The following MYO1E variants were observed in gnomAD, a reference collection of about 807,000 sequenced individuals.
MYO1E encodes myosin IE, also known as unconventional myosin-Ie.
A neutral mutation model predicts 151.1 loss-of-function variants in MYO1E; 68 were observed. The ratio of observed to expected loss-of-function variants is 0.45; its 90% CI spans 0.37 to 0.55. The LOEUF is 0.55. MYO1E is among the 20% of genes least tolerant of loss of function. The pLI, the probability that MYO1E is intolerant of heterozygous loss-of-function variation, is 0.00. For synonymous variants in MYO1E, 601 were observed against 501.7 expected, an observed-to-expected ratio of 1.20 and a Z score of -2.64; for missense variants, 1,363 against 1,389.3, an observed-to-expected ratio of 0.98 and a Z score of 0.30.
At chr15:59,228,068 C>T (rs752587474) in intron 6 of MYO1E, among the ~76,000 whole-genome samples, 3 of 152,126 alleles carry the variant, frequency 2.0e-5, no homozygotes, top group Admixed American at 6.6e-5. Flanking sequence ...TAGCTACTGA[C>T]GGGCCTAGGG....
intron 1 of MYO1E, among the ~76,000 whole-genome samples, chr15:59,359,055 A>G (rs1211067986): frequency 6.6e-6 from 1 of 152,082 alleles, no homozygotes; most frequent in Non-Finnish European, 1.5e-5. Flanking sequence ...GACACAAACA[A>G]TTTCATAGAC....
At chr15:59,294,659 G>T (rs1333756656) in intron 1 of MYO1E, among the ~76,000 whole-genome samples, 3 of 152,186 alleles carry the variant, frequency 2.0e-5, no homozygotes, top group Non-Finnish European at 4.4e-5. Flanking sequence ...GCCCCCACAG[G>T]ACGGGGGTTT....
intron 1 of MYO1E, among the ~76,000 whole-genome samples, chr15:59,318,709 T>C (rs2080605280): frequency 6.6e-6 from 1 of 152,174 alleles, no homozygotes; most frequent in Non-Finnish European, 1.5e-5. Flanking sequence ...ATTGAGTACT[T>C]ACTGTTTGCC....
chr15:59,305,384 G>A (rs2080508900), intron 1 of MYO1E, among the ~76,000 whole-genome samples: 1 of 151,952 alleles, frequency 6.6e-6, no homozygotes, highest in Non-Finnish European at 1.5e-5. Context: ...TAGTAGAGAT[G>A]GAGTTTTGCC....
intron 19 of MYO1E, among the ~76,000 whole-genome samples, chr15:59,175,699 G>T (rs2079620714): frequency 6.6e-6 from 1 of 152,142 alleles, no homozygotes; most frequent in Non-Finnish European, 1.5e-5. Context: ...CTTGTGTATT[G>T]GGTTTCTGAG....
At chr15:59,344,675 C>T (rs1333262597) in intron 1 of MYO1E, among the ~76,000 whole-genome samples, 2 of 152,206 alleles carry the variant, frequency 1.3e-5, no homozygotes, top group Non-Finnish European at 2.9e-5. Context: ...CTACTGAGTA[C>T]TTTATTCTAC....
intron 14 of MYO1E, chr15:59,207,858 C>T (rs1452186462): frequency 5.0e-6 from 8 of 1,613,928 alleles, no homozygotes; most frequent in East Asian, 2.2e-5. Flanking sequence ...TATCTGTGGC[C>T]GATTTAACAG....
chr15:59,137,278 A>T lies in MYO1E; in HGVS notation c.*102T>A. The T allele has an allele frequency of 9.3e-7, 1 of 1,070,460 alleles. No homozygotes were observed. The allele number at this position is 1,070,460 out of a possible 1,614,324, so 66.3% of individuals were successfully genotyped here. On this transcript the variant is annotated 3_prime_UTR_variant, in exon 28 of 28. Transcript: ENST00000288235. ...ACCAGAATAGCTCCAGGCCTTGGAG[A>T]AGCAATTGCTCATTGTGGATTGTAA...
At chr15:59,340,227 T>C (rs574834615) in intron 1 of MYO1E, among the ~76,000 whole-genome samples, 1 of 152,220 alleles carries the variant, frequency 6.6e-6, no homozygotes, top group South Asian at 2.1e-4. Flanking sequence ...TGAGGATCGC[T>C]TGAACCCAGG....
intron 1 of MYO1E, among the ~76,000 whole-genome samples, chr15:59,354,569 C>T (rs1005332520): frequency 3.9e-5 from 6 of 152,106 alleles, no homozygotes; most frequent in African/African-American, 1.4e-4. Context: ...GCCAGGTGGG[C>T]ACCTGGCATG....
At chr15:59,166,642 A>G (rs1223909759) in intron 22 of MYO1E, among the ~76,000 whole-genome samples, 1 of 151,962 alleles carries the variant, frequency 6.6e-6, no homozygotes, top group Admixed American at 6.6e-5. Flanking sequence ...ATTATGAAAT[A>G]TATGCTGCTT....
chr15:59,371,590 C>T (rs1287920003), intron 1 of MYO1E, among the ~76,000 whole-genome samples: 1 of 152,002 alleles, frequency 6.6e-6, no homozygotes, highest in East Asian at 1.9e-4. Flanking sequence ...GTTGGAATAG[C>T]AGAAAAGTCA....
intron 9 of MYO1E, among the ~76,000 whole-genome samples, chr15:59,219,600 T>C (rs1245031346): frequency 2.0e-5 from 3 of 152,248 alleles, no homozygotes; most frequent in Non-Finnish European, 4.4e-5. Flanking sequence ...ATCCTCTATA[T>C]GAGTGTTTCA....
chr15:59,136,824 C>G lies in MYO1E; in HGVS notation c.*556G>C, dbSNP rs1190805353. ...CCCGGCAAAGTGTAAACCAGTGCCCCTCTGTCGCCCTGGGCTCAGCAGGCC... is the reference window on the plus strand; with the variant it reads ...CCCGGCAAAGTGTAAACCAGTGCCCGTCTGTCGCCCTGGGCTCAGCAGGCC... On this transcript the variant is annotated 3_prime_UTR_variant, in exon 28 of 28. Transcript: ENST00000288235. 1 of 454,546 alleles carries G rather than the reference C, an allele frequency of 2.2e-6. No individual in the cohort carries two copies. The highest frequency in any genetic ancestry group is 2.4e-5 in the Admixed American group (1 of 42,382). 28.2% of individuals were successfully genotyped at this position (454,546 alleles called of 1,614,324 possible).
In MYO1E at chr15:59,206,147, C is replaced by G. The variant is rs1246720838; in HGVS notation, c.1531-662G>C. On this transcript the variant is annotated intron_variant, in intron 14 of 27. Transcript: ENST00000288235. The stretch of plus-strand genomic sequence containing the variant: ...CCAGTAGGCACCCAATACTGATGGG[C>G]TTTATAAGAACACCAAAAGTGCACT... 2.6e-5 allele frequency among the ~76,000 whole-genome samples: 4 copies of G among 151,996 alleles called. No homozygotes were observed. In the South Asian group the frequency reaches 8.3e-4, roughly 32 times the overall value.
rs528885225 is a variant in MYO1E at position 59,185,557 on chromosome 15, G to T, written c.1904+2561C>A. Among the ~76,000 whole-genome samples, 16 of 152,242 alleles carry T rather than the reference G, an allele frequency of 1.1e-4. No homozygotes were observed. In the South Asian group the frequency reaches 2.9e-3, roughly 28 times the overall value. ...GCTGGGATTATAGGTGTGAGCCACC[G>T]TGCCCGGCCCCTCTTAATTAAAAAA... On this transcript the variant is annotated intron_variant, in intron 18 of 27. Coordinates refer to ENST00000288235, the MANE Select transcript of MYO1E (RefSeq NM_004998.4).
chr15:59,230,578 C>G (rs1210224919), intron 6 of MYO1E, among the ~76,000 whole-genome samples: 5 of 151,976 alleles, frequency 3.3e-5, no homozygotes, highest in African/African-American at 1.2e-4. Flanking sequence ...ATTTTATTAT[C>G]TGGAAAACTT....
At chr15:59,252,278 C>G in intron 4 of MYO1E, among the ~76,000 whole-genome samples, 1 of 152,138 alleles carries the variant, frequency 6.6e-6, no homozygotes, top group East Asian at 1.9e-4. Flanking sequence ...AATGCCATTT[C>G]CCATTAAAAT....
At position 59,272,363 on chromosome 15, in the gene MYO1E, G is replaced by C. The variant is rs1336334941; in HGVS notation, c.90C>G (p.Ile30Met). 1.9e-6 allele frequency: 3 copies of C among 1,613,974 alleles called. No individual in the cohort carries two copies. The highest frequency in any genetic ancestry group is 2.5e-6 in the Non-Finnish European group (3 of 1,179,914). ...GATTCTCCACGATGGAGTTCTCTGT[G>C]ATCTTGGACAGTAGCACCATGTCGT... ...GVDDMVLLSK[I>M]TENSIVENLK... Residue 30 changes from isoleucine (I) to methionine (M), a missense_variant, in exon 2 of 28, where the codon ATC becomes ATG. By Grantham distance (10) the Ile-to-Met change is conservative. Coordinates refer to ENST00000288235, the MANE Select transcript of MYO1E (RefSeq NM_004998.4).
Sources: gnomAD v4.1 joint callset for allele counts (sites outside exome capture counted in the v4.1 genomes callset) on GRCh38, gnomAD v4.1.1 for gene constraint, MANE v1.5 for transcripts, NCBI Gene and HGNC (gene_info 2026-07-23, HGNC 2026-07-21) for gene names.